CTNNA3: variants seen among roughly 807,000 people sequenced by gnomAD.
CTNNA3 encodes the protein catenin alpha 3.
A neutral mutation model predicts 95.7 loss-of-function variants in CTNNA3; 76 were observed. That is an observed-to-expected ratio of 0.79 (90% CI 0.66 to 0.96). The LOEUF (loss-of-function observed/expected upper bound fraction) is 0.96. CTNNA3 is among the 40% of genes least tolerant of loss of function. CTNNA3 has a pLI of 0.00. For missense variants in CTNNA3, 1,191 were observed against 1,089.8 expected, an observed-to-expected ratio of 1.09 and a Z score of -1.31; for synonymous variants, 431 against 374.4, an observed-to-expected ratio of 1.15 and a Z score of -1.74.
At chr10:67,405,730 C>G (rs1845117997) in intron 5 of CTNNA3, among the ~76,000 whole-genome samples, 1 of 152,098 alleles carries the variant, frequency 6.6e-6, no homozygotes, top group South Asian at 2.1e-4. Context: ...AACTCTACAC[C>G]CCAGAACAAC....
chr10:66,224,898 T>C (rs903407956), intron 13 of CTNNA3, among the ~76,000 whole-genome samples: 3 of 152,128 alleles, frequency 2.0e-5, no homozygotes, highest in Admixed American at 2.0e-4. Context: ...TTTCTTTGGT[T>C]TTCATTTTTA....
At chr10:67,371,805 C>A (rs1367884255) in intron 5 of CTNNA3, among the ~76,000 whole-genome samples, 2 of 152,240 alleles carry the variant, frequency 1.3e-5, no homozygotes, top group Non-Finnish European at 2.9e-5. Context: ...AATCACCACA[C>A]TGTCTTCCAC....
intron 11 of CTNNA3, among the ~76,000 whole-genome samples, chr10:66,402,276 A>G (rs1311888346): frequency 6.6e-6 from 1 of 152,202 alleles, no homozygotes; most frequent in Non-Finnish European, 1.5e-5. Context: ...GATTAGATGC[A>G]TAGAGTTTAT....
intron 12 of CTNNA3, among the ~76,000 whole-genome samples, chr10:66,321,005 A>G (rs1280705384): frequency 3.9e-5 from 6 of 152,082 alleles, no homozygotes; most frequent in African/African-American, 1.4e-4. Flanking sequence ...TTTAAATGCA[A>G]TAACTTTGCC....
chr10:67,208,443 T>G (rs1363332144), intron 6 of CTNNA3, among the ~76,000 whole-genome samples: 1 of 150,990 alleles, frequency 6.6e-6, no homozygotes, highest in Non-Finnish European at 1.5e-5. Context: ...AAAATGGTAT[T>G]GCAAAAATAA....
intron 1 of CTNNA3, among the ~76,000 whole-genome samples, chr10:67,733,966 A>G (rs1256928000): frequency 6.6e-6 from 1 of 152,198 alleles, no homozygotes; most frequent in Non-Finnish European, 1.5e-5. Flanking sequence ...AAATTTTCAC[A>G]AAATACTTAA....
intron 5 of CTNNA3, among the ~76,000 whole-genome samples, chr10:67,220,152 A>G (rs1208018502): frequency 2.0e-5 from 3 of 152,204 alleles, no homozygotes; most frequent in African/African-American, 7.2e-5. Flanking sequence ...TCAAATCCTT[A>G]TAAGTAGCTA....
intron 14 of CTNNA3, among the ~76,000 whole-genome samples, chr10:66,072,026 C>T (rs556666515): frequency 6.6e-6 from 1 of 152,288 alleles, no homozygotes; most frequent in East Asian, 1.9e-4. Context: ...CAGCTCACAC[C>T]ATATCACTCC....
chr10:66,534,041 T>C (rs1227196675), intron 10 of CTNNA3, among the ~76,000 whole-genome samples: 1 of 152,194 alleles, frequency 6.6e-6, no homozygotes, highest in Non-Finnish European at 1.5e-5. Context: ...ATTAAGCTAT[T>C]CTAAAGATTA....
intron 12 of CTNNA3, among the ~76,000 whole-genome samples, chr10:66,370,220 C>T (rs1438017895): frequency 1.3e-5 from 2 of 152,088 alleles, no homozygotes; most frequent in Non-Finnish European, 2.9e-5. Context: ...CAGCTCACAT[C>T]AATAAATATA....
chr10:66,643,583 T>C (rs757917870), intron 9 of CTNNA3, among the ~76,000 whole-genome samples: 16 of 152,190 alleles, frequency 1.1e-4, no homozygotes, highest in Non-Finnish European at 2.1e-4. Flanking sequence ...TCAATCATCT[T>C]CTTTTATAAC....
rs368027975 is a variant in CTNNA3, at chr10:67,219,642, C to G, written c.808G>C (p.Ala270Pro). The G allele has an allele frequency of 2.5e-6, 4 of 1,614,020 alleles. No individual in the cohort carries two copies. Among genetic ancestry groups the G allele is most frequent in the Non-Finnish European group, 3.4e-6 (4 of 1,179,960 alleles). ...QNMTTPPEPQ[A>P]ATLGSALDEL... ...TCAAGGGCACTTCCCAGGGTTGCTG[C>G]CTGAGGTTCTGGTGGGGTTGTCATA... The change falls in exon 6 of 18, where the codon GCA (alanine) becomes CCA (proline). Residue 270 changes from alanine (A) to proline (P), a missense_variant. Ala to Pro is a conservative substitution (Grantham distance 27). Transcript: ENST00000433211.
At chr10:67,589,087 G>A (rs1252356392) in intron 3 of CTNNA3, among the ~76,000 whole-genome samples, 1 of 151,886 alleles carries the variant, frequency 6.6e-6, no homozygotes, top group South Asian at 2.1e-4. Flanking sequence ...GTAAGGCTCT[G>A]GGGAAAGACA....
At chr10:66,217,375 A>G (rs540258843) in intron 13 of CTNNA3, among the ~76,000 whole-genome samples, 1 of 149,402 alleles carries the variant, frequency 6.7e-6, no homozygotes, top group Non-Finnish European at 1.5e-5. Context: ...AAAAGAAAGG[A>G]GTCATACAAT....
intron 10 of CTNNA3, among the ~76,000 whole-genome samples, chr10:66,595,018 CA>C (rs972528094): frequency 9.2e-5 from 14 of 152,202 alleles, no homozygotes; most frequent in African/African-American, 3.4e-4. Context: ...TGAGTGATAT[CA>C]GCGAGATTGT....
chr10:67,416,198 C>A (rs529576234), intron 5 of CTNNA3, among the ~76,000 whole-genome samples: 5 of 151,906 alleles, frequency 3.3e-5, no homozygotes, highest in Non-Finnish European at 5.9e-5. Context: ...ATGAACAGAG[C>A]AAAGAGACAA....
At chr10:66,830,283 A>G (rs1277282456) in intron 7 of CTNNA3, among the ~76,000 whole-genome samples, 1 of 152,184 alleles carries the variant, frequency 6.6e-6, no homozygotes, top group Non-Finnish European at 1.5e-5. Context: ...CACTTGTTGA[A>G]TCTAGAATTT....
At chr10:66,252,971 A>G (rs1030874142) in intron 13 of CTNNA3, among the ~76,000 whole-genome samples, 2 of 152,172 alleles carry the variant, frequency 1.3e-5, no homozygotes, top group Non-Finnish European at 2.9e-5. Context: ...ATTTGCCTAA[A>G]GTCTCAGTTG....
At chr10:66,775,656 T>C (rs900876462) in intron 7 of CTNNA3, 132 bp from the exon 8 acceptor site, 6 of 623,838 alleles carry the variant, frequency 9.6e-6, no homozygotes, top group Admixed American at 2.9e-5. Context: ...ATATTATATA[T>C]GATTCATGAG....
Sources: gnomAD v4.1 joint callset for allele counts (sites outside exome capture counted in the v4.1 genomes callset) on GRCh38, gnomAD v4.1.1 for gene constraint, MANE v1.5 for transcripts, NCBI Gene and HGNC (gene_info 2026-07-23, HGNC 2026-07-21) for gene names.